Variants in MAPK10 observed in about 807,000 individuals in gnomAD.
The protein encoded by MAPK10 is JNK3 alpha protein kinase.
In MAPK10, 25 loss-of-function variants were observed where a neutral mutation model predicts 59.3. That is an observed-to-expected ratio of 0.42 (90% CI 0.31 to 0.59). The LOEUF is 0.59. Among genes scored for constraint, MAPK10 ranks in the 20% least tolerant of loss-of-function variants. The pLI is 0.15. For synonymous variants in MAPK10, 190 were observed against 200.5 expected, an observed-to-expected ratio of 0.95 and a Z score of 0.44; for missense variants, 351 against 568.9, an observed-to-expected ratio of 0.62 and a Z score of 3.90.
At position 86,252,194 on chromosome 4, in the gene MAPK10, A is replaced by G. The variant is rs921708975; in HGVS notation, c.-6-57787T>C. Among the ~76,000 whole-genome samples, 105 of 125,364 alleles carry G rather than the reference A, an allele frequency of 8.4e-4. 11 individuals carry two copies. Among genetic ancestry groups the G allele is most frequent in the Admixed American group, 6.4e-3 (88 of 13,698 alleles). 82.2% of individuals were successfully genotyped at this position (125,364 alleles called of 152,430 possible). The stretch of plus-strand genomic sequence containing the variant: ...TAGTTTAATTAGATCCCATTTGTCA[A>G]TTTTGGCTTTGGTTGCCATTGCTTT... On this transcript the variant is annotated intron_variant, in intron 2 of 13. Coordinates refer to ENST00000641462, the MANE Select transcript of MAPK10 (RefSeq NM_138982.4).
intron 4 of MAPK10, among the ~76,000 whole-genome samples, chr4:86,158,703 G>A (rs1204364428): frequency 2.0e-5 from 3 of 151,802 alleles, no homozygotes; most frequent in Middle Eastern, 3.2e-3. Flanking sequence ...TTTTGCAAGA[G>A]TCTTAGGTAA....
intron 1 of MAPK10, among the ~76,000 whole-genome samples, chr4:86,537,367 T>C (rs1053671848): frequency 6.6e-5 from 10 of 152,138 alleles, no homozygotes; most frequent in African/African-American, 2.4e-4. Context: ...TAGATATAAG[T>C]GTGTGTATGC....
intron 1 of MAPK10, among the ~76,000 whole-genome samples, chr4:86,550,240 C>G (rs1245735250): frequency 6.6e-6 from 1 of 152,014 alleles, no homozygotes; most frequent in Non-Finnish European, 1.5e-5. Flanking sequence ...ATTCAACGCC[C>G]TTAAAGTATG....
chr4:86,160,678 TG>T (rs2069307145), intron 3 of MAPK10, among the ~76,000 whole-genome samples: 8 of 115,942 alleles, frequency 6.9e-5, no homozygotes, highest in Non-Finnish European at 1.6e-4. Context: ...TCACAACTTG[TG>T]AGTGTCCTGC....
chr4:86,221,471 A>G (rs1186651062), intron 2 of MAPK10, among the ~76,000 whole-genome samples: 1 of 150,392 alleles, frequency 6.6e-6, no homozygotes, highest in Non-Finnish European at 1.5e-5. Context: ...ATATTCAAGT[A>G]TATTTTTGGT....
intron 1 of MAPK10, among the ~76,000 whole-genome samples, chr4:86,431,460 A>G (rs948572050): frequency 6.6e-6 from 1 of 152,250 alleles, no homozygotes; most frequent in Non-Finnish European, 1.5e-5. Context: ...CAGAATTTCT[A>G]CAAAATATTT....
intron 1 of MAPK10, among the ~76,000 whole-genome samples, chr4:86,590,973 G>C (rs1197534077): frequency 6.6e-6 from 1 of 152,164 alleles, no homozygotes; most frequent in Non-Finnish European, 1.5e-5. Flanking sequence ...GGATCTTGCT[G>C]TGTTGCCCAA....
At chr4:86,164,908 C>T (rs2071088771) in intron 3 of MAPK10, among the ~76,000 whole-genome samples, 1 of 152,042 alleles carries the variant, frequency 6.6e-6, no homozygotes, top group South Asian at 2.1e-4. Context: ...ACTAGTTTAC[C>T]TAGACAATCT....
chr4:86,570,184 C>T (rs1761350992), intron 1 of MAPK10, among the ~76,000 whole-genome samples: 2 of 152,118 alleles, frequency 1.3e-5, no homozygotes, highest in African/African-American at 4.8e-5. Flanking sequence ...AAAGAAATCC[C>T]ATAACTCAAA....
chr4:86,443,283 TA>T (rs550220677), intron 1 of MAPK10, among the ~76,000 whole-genome samples: 24 of 150,938 alleles, frequency 1.6e-4, no homozygotes, highest in African/African-American at 5.8e-4. Context: ...GAGGTGAAAG[TA>T]ACCATTTTGA....
intron 1 of MAPK10, among the ~76,000 whole-genome samples, chr4:86,526,744 C>G (rs552607288): frequency 6.6e-6 from 1 of 152,136 alleles, no homozygotes; most frequent in Non-Finnish European, 1.5e-5. Flanking sequence ...TTTGCTGCAT[C>G]CCAGAGATTT....
Position 86,067,903 on chromosome 4 carries a change from T to C in MAPK10, c.855A>G (p.Glu285=). 1 of 1,613,992 alleles carries C rather than the reference T, an allele frequency of 6.2e-7. No homozygotes were observed. Among genetic ancestry groups the C allele is most frequent in the Non-Finnish European group, 8.5e-7 (1 of 1,179,912 alleles). ...VIEQLGTPCP[E]FMKKLQPTVR... ...CTGTGGGTTGCAATTTCTTCATGAA[T>C]TCTGGACATGGTGTTCCTAGTTGTT... Residue 285 remains glutamate, a synonymous_variant, in exon 10 of 14, where the codon GAA becomes GAG. Transcript: ENST00000641462.
intron 1 of MAPK10, among the ~76,000 whole-genome samples, chr4:86,391,890 A>T (rs1742241120): frequency 6.6e-6 from 1 of 152,134 alleles, no homozygotes; most frequent in Non-Finnish European, 1.5e-5. Flanking sequence ...AATTATCTCT[A>T]CCTTAGGGAT....
chr4:86,372,430 T>A (rs1738909916), intron 1 of MAPK10, among the ~76,000 whole-genome samples: 2 of 151,336 alleles, frequency 1.3e-5, no homozygotes, highest in Non-Finnish European at 1.5e-5. Flanking sequence ...GGCAGAGGAA[T>A]CTCTTGAACC....
chr4:86,205,252 T>C (rs2083541988), intron 2 of MAPK10, among the ~76,000 whole-genome samples: 1 of 151,994 alleles, frequency 6.6e-6, no homozygotes, highest in African/African-American at 2.4e-5. Context: ...ACAATAGTCA[T>C]TACTTAATGA....
rs376055761 is a variant in MAPK10 at position 86,411,692 on chromosome 4, G to T, written c.-122+41338C>A. On this transcript the variant is annotated intron_variant, in intron 1 of 13. Transcript: ENST00000361569. ...CTCTTTTGATCTTTGTTGGTTTAAA[G>T]TCTGTTTTATCAGAGACTAGGATTG... 9.9e-5 allele frequency among the ~76,000 whole-genome samples: 15 copies of T among 152,272 alleles called. 1 individual carries two copies. The East Asian group carries it at 2.9e-3, about 29-fold the overall frequency.
At chr4:86,145,597 T>C in intron 4 of MAPK10, among the ~76,000 whole-genome samples, 1 of 152,188 alleles carries the variant, frequency 6.6e-6, no homozygotes, top group Non-Finnish European at 1.5e-5. Context: ...AGTCTCTCCA[T>C]TTCTCTCTGG....
chr4:86,374,054 A>C (rs1178329566), intron 1 of MAPK10, among the ~76,000 whole-genome samples: 1 of 152,184 alleles, frequency 6.6e-6, no homozygotes, highest in African/African-American at 2.4e-5. Context: ...GCACATATAC[A>C]CCATGGAATA....
At chr4:86,161,121 A>G (rs1407667717) in intron 3 of MAPK10, among the ~76,000 whole-genome samples, 4 of 152,018 alleles carry the variant, frequency 2.6e-5, no homozygotes, top group Admixed American at 2.0e-4. Flanking sequence ...ATTGCATCGG[A>G]TATGGTGGCA....
Sources: allele counts gnomAD v4.1 joint callset (sites outside exome capture counted in the v4.1 genomes callset), GRCh38; gene constraint gnomAD v4.1.1; transcripts MANE v1.5; gene names NCBI Gene and HGNC (gene_info 2026-07-23, HGNC 2026-07-21).